Variants in AP2B1 observed in about 807,000 individuals in gnomAD.
The protein encoded by AP2B1 is adaptor related protein complex 2 subunit beta 1, also known as AP-2 complex subunit beta.
In AP2B1, 23 loss-of-function variants were observed where a neutral mutation model predicts 102.0. That is an observed-to-expected ratio of 0.23 (90% CI 0.16 to 0.32). The LOEUF (loss-of-function observed/expected upper bound fraction) is 0.32. Ranked by LOEUF, AP2B1 falls within the 10% of genes least tolerant of loss-of-function variation. The pLI, the probability that AP2B1 is intolerant of heterozygous loss-of-function variation, is 1.00. For missense variants in AP2B1, 541 were observed against 1,157.4 expected (o/e 0.47, Z 7.73); for synonymous variants, 381 against 421.2 (o/e 0.90, Z 1.17).
chr17:35,665,126 C>CTTTTTTTT (rs10635426), intron 14 of AP2B1, among the ~76,000 whole-genome samples: 1 of 116,284 alleles, frequency 8.6e-6, no homozygotes, highest in Non-Finnish European at 1.7e-5. Flanking sequence ...TTTGGAATAG[C>CTTTTTTTT]TTTTTTTTTT....
rs587623665 is a variant in AP2B1 at position 35,687,316 on chromosome 17, C to T, written c.2454+4492C>T. Among the ~76,000 whole-genome samples the T allele has an allele frequency of 6.7e-4, 102 of 151,972 alleles. 1 individual carries two copies. The South Asian group carries it at 0.021, about 31-fold the overall frequency. ...AAAATTTTTTGTAGAGACGGGGTCTCTCCATGTTGCCTAGGCTGGTCTCAA... is the reference window on the plus strand; with the variant it reads ...AAAATTTTTTGTAGAGACGGGGTCTTTCCATGTTGCCTAGGCTGGTCTCAA... On this transcript the variant is annotated intron_variant, in intron 18 of 21. Transcript: ENST00000610402.
At chr17:35,648,180 C>G (rs2074989431) in intron 12 of AP2B1, among the ~76,000 whole-genome samples, 1 of 152,030 alleles carries the variant, frequency 6.6e-6, no homozygotes, top group South Asian at 2.1e-4. Flanking sequence ...AGGTAGGTAC[C>G]AGGATATTTA....
At chr17:35,715,618 C>T (rs146217568) in intron 20 of AP2B1, among the ~76,000 whole-genome samples, 17 of 152,338 alleles carry the variant, frequency 1.1e-4, no homozygotes, top group Non-Finnish European at 2.1e-4. Flanking sequence ...TGCCTAGCAA[C>T]CCACTCAAAG....
chr17:35,629,510 C>G (rs1198031619), intron 9 of AP2B1, among the ~76,000 whole-genome samples: 2 of 152,038 alleles, frequency 1.3e-5, no homozygotes, highest in East Asian at 3.9e-4. Context: ...GTTGCAATAG[C>G]TTCTTGAATC....
chr17:35,672,446 G>C (rs1002917212), intron 16 of AP2B1, among the ~76,000 whole-genome samples: 1 of 152,168 alleles, frequency 6.6e-6, no homozygotes, highest in Non-Finnish European at 1.5e-5. Flanking sequence ...GGTTAATGAA[G>C]CTCATTTAAG....
chr17:35,649,749 C>T (rs1261892141), intron 12 of AP2B1, among the ~76,000 whole-genome samples: 1 of 151,974 alleles, frequency 6.6e-6, no homozygotes, highest in African/African-American at 2.4e-5. Flanking sequence ...ATATTAGGAC[C>T]ATGTTGAGTT....
At chr17:35,678,680 A>G (rs2075753055) in intron 17 of AP2B1, among the ~76,000 whole-genome samples, 1 of 152,240 alleles carries the variant, frequency 6.6e-6, no homozygotes, top group African/African-American at 2.4e-5. Context: ...ATGTTAAACC[A>G]ACCTTACATT....
At position 35,673,896 on chromosome 17, in the gene AP2B1, G is replaced by C. The variant is rs2075643584; in HGVS notation, c.2179-280G>C. 2.0e-5 allele frequency among the ~76,000 whole-genome samples: 3 copies of C among 152,124 alleles called. No individual in the cohort carries two copies. In the South Asian group the frequency reaches 6.2e-4, roughly 31 times the overall value. The stretch of plus-strand genomic sequence containing the variant: ...AGTAAAATAACCAAGCTGAACAGAA[G>C]GTAGAGCAGAAGCCAGGGTCGTTTA... On this transcript the variant is annotated intron_variant, in intron 16 of 21. Coordinates refer to ENST00000610402, the MANE Select transcript of AP2B1 (RefSeq NM_001030006.2).
chr17:35,602,689 A>G (rs1272760489), intron 3 of AP2B1, among the ~76,000 whole-genome samples: 1 of 152,202 alleles, frequency 6.6e-6, no homozygotes, highest in Non-Finnish European at 1.5e-5. Context: ...TGTGTGTTTC[A>G]CATTTACATC....
intron 14 of AP2B1, among the ~76,000 whole-genome samples, chr17:35,663,447 AC>A (rs34256531): frequency 0.038 from 5,752 of 152,228 alleles, 207 homozygotes; most frequent in East Asian, 0.14. Context: ...TGGGATTTGA[AC>A]CCAGGGCTTC....
intron 17 of AP2B1, among the ~76,000 whole-genome samples, chr17:35,680,690 TTTTTTTTTTG>T (rs1278977839): frequency 1.8e-5 from 1 of 56,880 alleles, no homozygotes; most frequent in Non-Finnish European, 3.5e-5. Context: ...GTTTTGGTTT[TTTTTTTTTTG>T]TTTTTTTTTT....
At position 35,626,535 on chromosome 17, in the gene AP2B1, CATTAGACTCTGACAT is replaced by C. The variant is rs1598089897; in HGVS notation, c.717-81_717-67del. ...ATTCTTTAATTTTTTGATACTTGGC[CATTAGACTCTGACAT>C]ATTACCTTATAGAATGAATTCAGCA... On this transcript the variant is annotated intron_variant, in intron 6 of 21. Transcript: ENST00000610402. The C allele has an allele frequency of 4.6e-6, 5 of 1,094,706 alleles. No homozygotes were observed. In the East Asian group the frequency reaches 1.2e-4, roughly 27 times the overall value. 67.8% of individuals were successfully genotyped at this position (1,094,706 alleles called of 1,614,324 possible). A position where few individuals can be genotyped will look rare whatever the true frequency, so the allele number is the denominator to read the frequency against.
chr17:35,611,790 A>G (rs899894419), intron 5 of AP2B1, among the ~76,000 whole-genome samples: 8 of 152,206 alleles, frequency 5.3e-5, no homozygotes, highest in Non-Finnish European at 7.3e-5. Flanking sequence ...ATACATGCCA[A>G]TCTTGTTTTA....
intron 18 of AP2B1, among the ~76,000 whole-genome samples, chr17:35,692,593 C>T (rs1252702182): frequency 6.6e-6 from 1 of 152,150 alleles, no homozygotes; most frequent in African/African-American, 2.4e-5. Context: ...AATTTGAGAG[C>T]CATACCCTGC....
intron 18 of AP2B1, among the ~76,000 whole-genome samples, chr17:35,704,523 G>A (rs1410060229): frequency 2.0e-5 from 3 of 152,172 alleles, no homozygotes; most frequent in Non-Finnish European, 4.4e-5. Flanking sequence ...TGCTAGCGAA[G>A]ATGAGAGACA....
chr17:35,600,984 A>G, intron 3 of AP2B1: 1 of 985,162 alleles, frequency 1.0e-6, no homozygotes, highest in Non-Finnish European at 1.2e-6. Context: ...TTTGTTTGTT[A>G]GCACATAAAG....
intron 18 of AP2B1, among the ~76,000 whole-genome samples, chr17:35,693,929 C>T (rs116757210): frequency 3.9e-3 from 590 of 152,326 alleles, no homozygotes; most frequent in African/African-American, 0.013. Flanking sequence ...TAAGGTTGTA[C>T]TGTCCACCAG....
chr17:35,674,615 A>G (rs1186707898), intron 17 of AP2B1, among the ~76,000 whole-genome samples: 2 of 152,198 alleles, frequency 1.3e-5, no homozygotes, highest in Non-Finnish European at 2.9e-5. Context: ...TGAAGCAGGC[A>G]AATCCCTTGA....
At chr17:35,692,159 A>C (rs1238171786) in intron 18 of AP2B1, among the ~76,000 whole-genome samples, 1 of 152,202 alleles carries the variant, frequency 6.6e-6, no homozygotes, top group Non-Finnish European at 1.5e-5. Context: ...AAGGTGTCTG[A>C]TGGATCAGAA....
Sources: gnomAD v4.1 joint callset for allele counts (sites outside exome capture counted in the v4.1 genomes callset) on GRCh38, gnomAD v4.1.1 for gene constraint, MANE v1.5 for transcripts, NCBI Gene and HGNC (gene_info 2026-07-23, HGNC 2026-07-21) for gene names.